The following ARHGAP26 variants were observed in gnomAD, a reference collection of about 807,000 sequenced individuals.
ARHGAP26 encodes the protein rho GTPase-activating protein 26.
Under a neutral mutation model 104.8 loss-of-function variants are expected in ARHGAP26, and 38 were observed. The ratio of observed to expected loss-of-function variants is 0.36; its 90% CI spans 0.28 to 0.48. The LOEUF (loss-of-function observed/expected upper bound fraction) is 0.48. ARHGAP26 is among the 20% of genes least tolerant of loss of function. ARHGAP26 has a pLI of 0.99. For synonymous variants in ARHGAP26, 341 were observed against 340.0 expected, an observed-to-expected ratio of 1.00 and a Z score of -0.03; for missense variants, 704 against 947.9, an observed-to-expected ratio of 0.74 and a Z score of 3.38.
intron 11 of ARHGAP26, among the ~76,000 whole-genome samples, chr5:142,994,994 C>G (rs1776183289): frequency 6.6e-6 from 1 of 152,130 alleles, no homozygotes; most frequent in South Asian, 2.1e-4. Flanking sequence ...CTGAAACTTA[C>G]ACCTTATACA....
chr5:142,847,506 C>T (rs1440663405), intron 1 of ARHGAP26, among the ~76,000 whole-genome samples: 2 of 152,030 alleles, frequency 1.3e-5, no homozygotes, highest in Non-Finnish European at 2.9e-5. Context: ...TACAGGCATG[C>T]GCCACCATGC....
At chr5:142,811,320 A>G (rs1394278635) in intron 1 of ARHGAP26, among the ~76,000 whole-genome samples, 2 of 152,216 alleles carry the variant, frequency 1.3e-5, no homozygotes, top group Non-Finnish European at 2.9e-5. Flanking sequence ...AGATGCAGAC[A>G]CTGTGAAATG....
intron 1 of ARHGAP26, among the ~76,000 whole-genome samples, chr5:142,808,909 C>G (rs1319651091): frequency 6.6e-6 from 1 of 152,184 alleles, no homozygotes; most frequent in Non-Finnish European, 1.5e-5. Flanking sequence ...ATGTTTCATC[C>G]ATATATGGCA....
chr5:142,955,126 C>CACACACACACACA (rs561605232), intron 11 of ARHGAP26, among the ~76,000 whole-genome samples: 1,613 of 148,718 alleles, frequency 0.011, 16 homozygotes, highest in East Asian at 0.01. Context: ...ACACACACAC[C>CACACACACACACA]CCCCATCTCT....
chr5:142,771,775 G>A (rs1006984141), intron 1 of ARHGAP26, among the ~76,000 whole-genome samples: 3 of 152,120 alleles, frequency 2.0e-5, no homozygotes, highest in African/African-American at 7.2e-5. Context: ...AACCATTTTT[G>A]CGTTTTTTCC....
At chr5:142,771,094 T>A in intron 1 of ARHGAP26, 179 bp downstream of exon 1, 2 of 1,342,084 alleles carry the variant, frequency 1.5e-6, no homozygotes, top group Non-Finnish European at 1.9e-6. Flanking sequence ...AACCATCAGA[T>A]GAAGAGAGAG....
chr5:142,775,127 G>A (rs1450687789), intron 1 of ARHGAP26, among the ~76,000 whole-genome samples: 1 of 151,472 alleles, frequency 6.6e-6, no homozygotes, highest in African/African-American at 2.4e-5. Flanking sequence ...ATATAGTAAT[G>A]TATATATATA....
intron 11 of ARHGAP26, among the ~76,000 whole-genome samples, chr5:142,950,802 C>T (rs563778757): frequency 1.4e-4 from 21 of 152,118 alleles, no homozygotes; most frequent in Non-Finnish European, 4.4e-5. Context: ...ATAAAGAAAA[C>T]TGTTCAGGAA....
chr5:142,999,765 G>GA (rs893079907), intron 11 of ARHGAP26, among the ~76,000 whole-genome samples: 1 of 151,724 alleles, frequency 6.6e-6, no homozygotes, highest in Non-Finnish European at 1.5e-5. Flanking sequence ...ACAAAAACAT[G>GA]AAAAAAAATT....
chr5:142,773,121 T>C (rs1382537132), intron 1 of ARHGAP26, among the ~76,000 whole-genome samples: 2 of 152,162 alleles, frequency 1.3e-5, no homozygotes, highest in Non-Finnish European at 2.9e-5. Context: ...AACCATTGTG[T>C]CCTGGATTTC....
chr5:143,077,154 G>A (rs1054240432), intron 17 of ARHGAP26, among the ~76,000 whole-genome samples: 4 of 152,284 alleles, frequency 2.6e-5, no homozygotes, highest in South Asian at 4.1e-4. Context: ...TGTCCCAGGC[G>A]GTGCTCTAAG....
chr5:142,825,642 C>T (rs185538758), intron 1 of ARHGAP26, among the ~76,000 whole-genome samples: 17 of 152,212 alleles, frequency 1.1e-4, no homozygotes, highest in Admixed American at 6.5e-4. Flanking sequence ...CTTAGCGGGA[C>T]GATACATTCC....
intron 11 of ARHGAP26, among the ~76,000 whole-genome samples, chr5:142,984,624 T>A (rs989094924): frequency 1.3e-5 from 2 of 152,084 alleles, no homozygotes; most frequent in African/African-American, 2.4e-5. Flanking sequence ...ACATATACAG[T>A]CACACACCAT....
chr5:143,131,570 G>A (rs181426961), intron 18 of ARHGAP26, among the ~76,000 whole-genome samples: 1 of 152,212 alleles, frequency 6.6e-6, no homozygotes, highest in South Asian at 2.1e-4. Flanking sequence ...GACACTGTTA[G>A]GTTGAAACAC....
intron 17 of ARHGAP26, among the ~76,000 whole-genome samples, chr5:143,093,534 CTT>C (rs1273255332): frequency 6.6e-6 from 1 of 152,080 alleles, no homozygotes; most frequent in African/African-American, 2.4e-5. Flanking sequence ...CTTTCTGTCT[CTT>C]TCTCTCTTTG....
At chr5:142,890,482 G>C (rs901804088) in intron 5 of ARHGAP26, among the ~76,000 whole-genome samples, 2 of 151,420 alleles carry the variant, frequency 1.3e-5, no homozygotes, top group African/African-American at 4.9e-5. Flanking sequence ...TATTACACAG[G>C]GTCTTGCAGA....
At chr5:142,799,619 C>A (rs936456113) in intron 1 of ARHGAP26, among the ~76,000 whole-genome samples, 1 of 152,122 alleles carries the variant, frequency 6.6e-6, no homozygotes, top group Non-Finnish European at 1.5e-5. Flanking sequence ...TTTATTGGCT[C>A]AAAATTCTGG....
chr5:143,200,157 A>G (rs556438521), intron 20 of ARHGAP26, among the ~76,000 whole-genome samples: 70 of 152,336 alleles, frequency 4.6e-4, no homozygotes, highest in African/African-American at 1.6e-3. Context: ...AAAAATGTTC[A>G]TCTAATTTTT....
chr5:142,863,578 AAT>A (rs1455021259), intron 1 of ARHGAP26, among the ~76,000 whole-genome samples: 2 of 152,116 alleles, frequency 1.3e-5, no homozygotes, highest in African/African-American at 4.8e-5. Context: ...TCATTCCTCC[AAT>A]ATATATTGAG....
Sources: gnomAD v4.1 joint callset for allele counts (sites outside exome capture counted in the v4.1 genomes callset) on GRCh38, gnomAD v4.1.1 for gene constraint, MANE v1.5 for transcripts, NCBI Gene and HGNC (gene_info 2026-07-23, HGNC 2026-07-21) for gene names.